The following TBC1D32 variants were observed in gnomAD, a reference collection of about 807,000 sequenced individuals.
The protein encoded by TBC1D32 is TBC1 domain family member 32, also known as protein broad-minded.
Under a neutral mutation model 170.3 loss-of-function variants are expected in TBC1D32, and 151 were observed. The ratio of observed to expected loss-of-function variants is 0.89; its 90% CI spans 0.78 to 1.01. The LOEUF is 1.01. Among genes scored for constraint, TBC1D32 ranks in the 50% least tolerant of loss-of-function variants. The pLI is 0.00. For synonymous variants in TBC1D32, 498 were observed against 488.0 expected, an observed-to-expected ratio of 1.02 and a Z score of -0.27; for missense variants, 1,464 against 1,457.1, an observed-to-expected ratio of 1.00 and a Z score of -0.08.
intron 15 of TBC1D32, among the ~76,000 whole-genome samples, chr6:121,271,352 A>G (rs914594549): frequency 1.7e-4 from 26 of 152,196 alleles, no homozygotes; most frequent in Admixed American, 1.4e-3. Context: ...ATGATTGTAT[A>G]TTTAGAAAAC....
At chr6:121,152,335 C>T (rs1784326924) in intron 24 of TBC1D32, among the ~76,000 whole-genome samples, 1 of 152,188 alleles carries the variant, frequency 6.6e-6, no homozygotes, top group Non-Finnish European at 1.5e-5. Flanking sequence ...CCTCCACTCT[C>T]TTCTGGCTTG....
chr6:121,306,839 T>C lies in TBC1D32; in HGVS notation c.690+1137A>G, dbSNP rs1350079768. 3.9e-5 allele frequency among the ~76,000 whole-genome samples: 6 copies of C among 152,214 alleles called. No individual in the cohort carries two copies. In the East Asian group the frequency reaches 1.2e-3, roughly 29 times the overall value. On this transcript the variant is annotated intron_variant, in intron 5 of 31. Coordinates refer to ENST00000398212, the MANE Select transcript of TBC1D32 (RefSeq NM_152730.6). The stretch of plus-strand genomic sequence containing the variant: ...TTTACAATTTTAGAAACTTTCTATA[T>C]TTGCTTTATGATTCACCTCAAATTA...
chr6:121,233,210 T>A (rs1795953717), intron 20 of TBC1D32, among the ~76,000 whole-genome samples: 1 of 152,142 alleles, frequency 6.6e-6, no homozygotes. Context: ...GTTCTGTAAA[T>A]ATCTGTTAAG....
chr6:121,287,366 A>G (rs1413314576), intron 12 of TBC1D32, among the ~76,000 whole-genome samples: 3 of 152,174 alleles, frequency 2.0e-5, no homozygotes, highest in Non-Finnish European at 4.4e-5. Flanking sequence ...GTCTCTAATA[A>G]AACAGACTTT....
At chr6:121,285,833 T>C (rs1395995443) in intron 12 of TBC1D32, among the ~76,000 whole-genome samples, 2 of 152,162 alleles carry the variant, frequency 1.3e-5, no homozygotes, top group Non-Finnish European at 2.9e-5. Context: ...TGTTCACCAA[T>C]ATCCGCTGTT....
chr6:121,212,410 C>G (rs2102102), intron 21 of TBC1D32, among the ~76,000 whole-genome samples: 102,887 of 150,420 alleles, frequency 0.68, 40,357 homozygotes, highest in Non-Finnish European at 0.87. Context: ...ATAACAAAAC[C>G]TGGCAGAGAC....
At chr6:121,181,339 G>A (rs757582948) in intron 22 of TBC1D32, among the ~76,000 whole-genome samples, 11 of 151,956 alleles carry the variant, frequency 7.2e-5, no homozygotes, top group African/African-American at 1.7e-4. Flanking sequence ...TCCTCTTCCC[G>A]TAATAGTGAG....
At chr6:121,190,834 C>T (rs1789905751) in intron 22 of TBC1D32, among the ~76,000 whole-genome samples, 1 of 152,152 alleles carries the variant, frequency 6.6e-6, no homozygotes, top group South Asian at 2.1e-4. Context: ...ATCATTTCCA[C>T]TTGAAAGAAT....
At chr6:121,101,961 C>G (rs921871216) in intron 30 of TBC1D32, among the ~76,000 whole-genome samples, 1 of 152,188 alleles carries the variant, frequency 6.6e-6, no homozygotes, top group Non-Finnish European at 1.5e-5. Flanking sequence ...AACAGAGAGC[C>G]AAATCCTGAG....
intron 23 of TBC1D32, among the ~76,000 whole-genome samples, chr6:121,160,518 T>C (rs1284725588): frequency 6.6e-6 from 1 of 151,636 alleles, no homozygotes; most frequent in Non-Finnish European, 1.5e-5. Context: ...TTAACAACAA[T>C]GAAAACAAAT....
intron 21 of TBC1D32, among the ~76,000 whole-genome samples, chr6:121,222,945 G>A (rs937366490): frequency 1.3e-5 from 2 of 152,136 alleles, no homozygotes; most frequent in Non-Finnish European, 1.5e-5. Flanking sequence ...ATAATGTAAT[G>A]AGTCATCTAA....
intron 24 of TBC1D32, among the ~76,000 whole-genome samples, chr6:121,148,024 T>G (rs1783704107): frequency 6.6e-6 from 1 of 151,574 alleles, no homozygotes; most frequent in Admixed American, 6.6e-5. Context: ...CTGGGATACA[T>G]GTGCAGAACG....
intron 12 of TBC1D32, among the ~76,000 whole-genome samples, chr6:121,290,827 A>T (rs1252407297): frequency 6.6e-6 from 1 of 152,178 alleles, no homozygotes; most frequent in East Asian, 1.9e-4. Flanking sequence ...GCCATAAAAA[A>T]TGATGAGTTC....
chr6:121,268,271 G>C (rs1166063136), intron 15 of TBC1D32, among the ~76,000 whole-genome samples: 1 of 152,182 alleles, frequency 6.6e-6, no homozygotes, highest in African/African-American at 2.4e-5. Context: ...TTGATGAGTT[G>C]AGAGAAGAAG....
intron 15 of TBC1D32, among the ~76,000 whole-genome samples, chr6:121,260,484 C>A (rs531525157): frequency 3.3e-5 from 5 of 152,024 alleles, no homozygotes; most frequent in Non-Finnish European, 7.4e-5. Context: ...ACTGACTAGG[C>A]GGCTGGCATG....
chr6:121,293,224 A>G (rs1339716371), intron 11 of TBC1D32, among the ~76,000 whole-genome samples: 1 of 150,232 alleles, frequency 6.7e-6, no homozygotes, highest in Non-Finnish European at 1.5e-5. Context: ...TAATGAGGGG[A>G]AAGGAGCTAA....
intron 17 of TBC1D32, among the ~76,000 whole-genome samples, chr6:121,253,710 T>C (rs997533579): frequency 1.3e-5 from 2 of 151,800 alleles, no homozygotes; most frequent in African/African-American, 2.4e-5. Flanking sequence ...CAGAGCGAGA[T>C]TCCGTCTCAA....
At chr6:121,237,910 C>T (rs1013005575) in intron 20 of TBC1D32, among the ~76,000 whole-genome samples, 62 of 152,040 alleles carry the variant, frequency 4.1e-4, no homozygotes, top group African/African-American at 1.4e-3. Flanking sequence ...GTATCCCATA[C>T]ATTGTGAGAT....
At chr6:121,286,082 T>TCTC (rs1393319192) in intron 12 of TBC1D32, among the ~76,000 whole-genome samples, 1 of 151,946 alleles carries the variant, frequency 6.6e-6, no homozygotes, top group Non-Finnish European at 1.5e-5. Context: ...TCAGAGCGCC[T>TCTC]CTCCTCCTCC....
Sources: gnomAD v4.1 joint callset for allele counts (sites outside exome capture counted in the v4.1 genomes callset) on GRCh38, gnomAD v4.1.1 for gene constraint, MANE v1.5 for transcripts, NCBI Gene and HGNC (gene_info 2026-07-23, HGNC 2026-07-21) for gene names.